Variants in KIF14 observed in about 807,000 individuals in gnomAD.
KIF14 encodes the protein kinesin-like protein KIF14.
Under a neutral mutation model 176.2 loss-of-function variants are expected in KIF14, and 98 were observed. The ratio of observed to expected loss-of-function variants is 0.56; its 90% CI spans 0.47 to 0.66. The LOEUF (loss-of-function observed/expected upper bound fraction) is 0.66. Ranked by LOEUF, KIF14 falls within the 30% of genes least tolerant of loss-of-function variation. The pLI, the probability that KIF14 is intolerant of heterozygous loss-of-function variation, is 0.00. For missense variants in KIF14, 1,751 were observed against 1,920.4 expected (o/e 0.91, Z 1.65); for synonymous variants, 566 against 632.2 (o/e 0.90, Z 1.57).
chr1:200,608,950 C>T (rs764436156), intron 4 of KIF14, 22 bp from the exon 5 acceptor site: 2 of 1,374,506 alleles, frequency 1.5e-6, no homozygotes, highest in Non-Finnish European at 2.1e-6. Flanking sequence ...AGAAACACAG[C>T]ATATAATTTA....
chr1:200,565,089 A>G lies in KIF14; in HGVS notation c.4051T>C (p.Tyr1351His), dbSNP rs1408763314. ...TTTACCTGCAAAAATAACTGTAAGT[A>G]GCCTCCCAGTTTTTTAACTTCTTGT... is the stretch of plus-strand genomic sequence containing the variant. ...LRQEVKKLGG[Y>H]LQLFLQGCCL... Residue 1351 changes from tyrosine to histidine, a missense_variant, in exon 25 of 30, where the codon TAC becomes CAC. Transcript: ENST00000367350. 6.8e-6 allele frequency: 11 copies of G among 1,609,050 alleles called. No homozygotes were observed. The highest frequency in any genetic ancestry group is 9.3e-6 in the Non-Finnish European group (11 of 1,178,062).
chr1:200,584,642 A>C (rs754722709), intron 19 of KIF14, among the ~76,000 whole-genome samples: 1 of 152,254 alleles, frequency 6.6e-6, no homozygotes, highest in Non-Finnish European at 1.5e-5. Flanking sequence ...AACCTTTGAC[A>C]AACTACAACA....
intron 23 of KIF14, among the ~76,000 whole-genome samples, chr1:200,567,158 C>T (rs1316527721): frequency 2.1e-5 from 3 of 144,380 alleles, no homozygotes; most frequent in Admixed American, 6.9e-5. Flanking sequence ...GCAAAAAGAG[C>T]GAAACTCTGT....
At chr1:200,587,199 G>A (rs140567925) in intron 18 of KIF14, among the ~76,000 whole-genome samples, 1,549 of 152,206 alleles carry the variant, frequency 0.01, 21 homozygotes, top group African/African-American at 0.034. Context: ...CAGGGAGAGT[G>A]GGAGAGGGCA....
In KIF14 at chr1:200,614,428, G is replaced by A. The variant is rs752429312; in HGVS notation, c.1368-23C>T. The A allele has an allele frequency of 5.8e-6, 8 of 1,386,668 alleles. No individual in the cohort carries two copies. The East Asian group carries it at 1.8e-4, about 32-fold the overall frequency. 85.9% of individuals were successfully genotyped at this position (1,386,668 alleles called of 1,614,324 possible). On this transcript the variant is annotated intron_variant, in intron 3 of 29. Coordinates refer to ENST00000367350, the MANE Select transcript of KIF14 (RefSeq NM_014875.3). Reference sequence around the variant, plus strand: ...ATCCTGAAAAATACATTATGAATAAGGGGGAAATAAAACTAATTCTTTCTT... The same window carrying A: ...ATCCTGAAAAATACATTATGAATAAAGGGGAAATAAAACTAATTCTTTCTT...
intron 10 of KIF14, 62 bp from the exon 11 acceptor site, chr1:200,602,130 G>T: frequency 7.0e-7 from 1 of 1,437,290 alleles, no homozygotes; most frequent in Non-Finnish European, 9.6e-7. Flanking sequence ...TAATTATCTA[G>T]AAAGCACAAA....
intron 23 of KIF14, among the ~76,000 whole-genome samples, chr1:200,569,236 A>G (rs1571476276): frequency 6.6e-6 from 1 of 152,134 alleles, no homozygotes; most frequent in Non-Finnish European, 1.5e-5. Flanking sequence ...AGCAGGCAGT[A>G]ATTCTTAAAT....
intron 15 of KIF14, among the ~76,000 whole-genome samples, chr1:200,593,369 G>A (rs1296819770): frequency 6.6e-6 from 1 of 152,116 alleles, no homozygotes; most frequent in African/African-American, 2.4e-5. Flanking sequence ...CTTGCCAGAC[G>A]TCACAGAGCA....
chr1:200,556,327 A>G (rs930437917), intron 27 of KIF14, among the ~76,000 whole-genome samples: 3 of 152,230 alleles, frequency 2.0e-5, no homozygotes, highest in African/African-American at 4.8e-5. Flanking sequence ...CAAAATTCCA[A>G]AAGAATATCC....
chr1:200,614,283 C>G, intron 4 of KIF14, 35 bp downstream of exon 4: 1 of 1,176,810 alleles, frequency 8.5e-7, no homozygotes, highest in Non-Finnish European at 1.3e-6. Context: ...ATTTTCTACT[C>G]TGAAAAGAAG....
chr1:200,570,226 A>C (rs1045672224), intron 22 of KIF14, among the ~76,000 whole-genome samples: 1 of 152,232 alleles, frequency 6.6e-6, no homozygotes, highest in Non-Finnish European at 1.5e-5. Flanking sequence ...TTGATTAAGC[A>C]CTACTATTTG....
At chr1:200,580,669 A>G (rs1193397972) in intron 20 of KIF14, among the ~76,000 whole-genome samples, 3 of 152,116 alleles carry the variant, frequency 2.0e-5, no homozygotes, top group African/African-American at 7.2e-5. Context: ...TAAAACAACT[A>G]AAATTATTTT....
chr1:200,558,806 C>T (rs939395140), intron 27 of KIF14, among the ~76,000 whole-genome samples: 1 of 152,134 alleles, frequency 6.6e-6, no homozygotes, highest in African/African-American at 2.4e-5. Context: ...AATATTAAAA[C>T]CCAGATCTTT....
chr1:200,559,243 A>G (rs1656995336), intron 27 of KIF14, 87 bp downstream of exon 27: 9 of 799,752 alleles, frequency 1.1e-5, no homozygotes, highest in Non-Finnish European at 1.6e-5. Flanking sequence ...AAAACATATG[A>G]ATTTATAGAA....
At chr1:200,612,825 C>A (rs2808240) in intron 4 of KIF14, among the ~76,000 whole-genome samples, 141,790 of 150,496 alleles carry the variant, frequency 0.94, 66,899 homozygotes, top group Middle Eastern at 0.99. Context: ...TACCAGTTAT[C>A]CTTACTAAGA....
chr1:200,569,848 G>T, intron 23 of KIF14, 63 bp downstream of exon 23: 2 of 837,512 alleles, frequency 2.4e-6, no homozygotes, highest in Non-Finnish European at 1.9e-6. Flanking sequence ...AAGAAAAAAT[G>T]TAATGGTAGA....
At chr1:200,590,017 C>G in intron 17 of KIF14, 108 bp downstream of exon 17, 1 of 1,140,032 alleles carries the variant, frequency 8.8e-7, no homozygotes, top group Non-Finnish European at 1.2e-6. Context: ...ATTCACTAAT[C>G]TCTGATCTCT....
Position 200,575,688 on chromosome 1 carries a change from T to C in KIF14, c.3469A>G (p.Asn1157Asp), listed in dbSNP as rs747038130. ...LAAMKELYES[N>D]GSNRGEDAFC... ...GCATCTTCACCCCTGTTACTACCATTACTCTAAGAAAAATATAATATATAG... is the reference window on the plus strand; with the variant it reads ...GCATCTTCACCCCTGTTACTACCATCACTCTAAGAAAAATATAATATATAG... The change falls in exon 22 of 30, where the codon AAT becomes GAT. Residue 1157 changes from asparagine to aspartate, a missense_variant. Physicochemically the swap from Asn to Asp is conservative, Grantham distance 23. Coordinates refer to ENST00000367350, the MANE Select transcript of KIF14 (RefSeq NM_014875.3). The C allele has an allele frequency of 3.5e-5, 53 of 1,516,912 alleles. No homozygotes were observed. Among genetic ancestry groups the C allele is most frequent in the Non-Finnish European group, 4.5e-5 (50 of 1,119,500 alleles). The allele number at this position is 1,516,912 out of a possible 1,614,324, so 94.0% of individuals were successfully genotyped here.
In KIF14 at chr1:200,565,142, T is replaced by C; in HGVS notation, c.3998A>G (p.Asn1333Ser). The change falls in exon 25 of 30, where the codon AAC becomes AGC. Residue 1333 changes from asparagine (N) to serine (S), a missense_variant. Physicochemically the swap from Asn to Ser is conservative, Grantham distance 46. Transcript: ENST00000367350. ...HWLSDLLPCT[N>S]IARLEDELRQ... ...CAACTCATCCTCAAGTCTTGCTATG[T>C]TGGTACAAGGCAGTAAATCACTCAG... 3 of 1,613,998 alleles carry C rather than the reference T, an allele frequency of 1.9e-6. No homozygotes were observed. The highest frequency in any genetic ancestry group is 2.5e-6 in the Non-Finnish European group (3 of 1,179,904).
Sources: allele counts gnomAD v4.1 joint callset (sites outside exome capture counted in the v4.1 genomes callset), GRCh38; gene constraint gnomAD v4.1.1; transcripts MANE v1.5; gene names NCBI Gene and HGNC (gene_info 2026-07-23, HGNC 2026-07-21).